TMC1: variants seen among roughly 807,000 people sequenced by gnomAD.
TMC1 encodes transmembrane channel like 1.
In TMC1, 84 loss-of-function variants were observed where a neutral mutation model predicts 105.8. The ratio of observed to expected loss-of-function variants is 0.79; its 90% CI spans 0.67 to 0.95. The LOEUF (loss-of-function observed/expected upper bound fraction) is 0.95, where lower values mean the gene tolerates loss of function less well. TMC1 is among the 40% of genes least tolerant of loss of function. The pLI is 0.00. For synonymous variants in TMC1, 315 were observed against 311.5 expected, an observed-to-expected ratio of 1.01 and a Z score of -0.12; for missense variants, 817 against 914.1, an observed-to-expected ratio of 0.89 and a Z score of 1.37.
intron 4 of TMC1, among the ~76,000 whole-genome samples, chr9:72,632,387 G>A (rs1278107095): frequency 6.6e-6 from 1 of 152,108 alleles, no homozygotes; most frequent in African/African-American, 2.4e-5. Flanking sequence ...ACTTGGAGAG[G>A]ACAGAACATC....
At chr9:72,657,498 T>TAGTTATCA (rs771179556) in intron 5 of TMC1, among the ~76,000 whole-genome samples, 2 of 152,222 alleles carry the variant, frequency 1.3e-5, no homozygotes, top group Non-Finnish European at 2.9e-5. Flanking sequence ...GGATTCCCTT[T>TAGTTATCA]AGTTATCATA....
intron 1 of TMC1, among the ~76,000 whole-genome samples, chr9:72,527,336 G>T (rs1235306345): frequency 6.6e-6 from 1 of 151,786 alleles, no homozygotes; most frequent in Admixed American, 6.6e-5. Flanking sequence ...TTACCTGTCT[G>T]ACCTGAAAAA....
chr9:72,757,182 A>C (rs1827688005), intron 12 of TMC1, among the ~76,000 whole-genome samples: 1 of 152,216 alleles, frequency 6.6e-6, no homozygotes, highest in Non-Finnish European at 1.5e-5. Context: ...TGCTGGTATC[A>C]GTCATTAATT....
chr9:72,584,784 C>CTTTTTTT (rs71357591), intron 2 of TMC1, among the ~76,000 whole-genome samples: 22,015 of 111,492 alleles, frequency 0.2, 2,308 homozygotes, highest in African/African-American at 0.27. Flanking sequence ...CTTTTCTTTT[C>CTTTTTTT]TTTTTTTTTT....
intron 3 of TMC1, among the ~76,000 whole-genome samples, chr9:72,622,450 C>T (rs1350992259): frequency 2.6e-5 from 4 of 152,200 alleles, no homozygotes; most frequent in Non-Finnish European, 5.9e-5. Flanking sequence ...TGTCCTCATC[C>T]TTAGTGCCTT....
At position 72,813,453 on chromosome 9, in the gene TMC1, G is replaced by T. The variant is rs1356720112; in HGVS notation, c.1696-2690G>T. Among the ~76,000 whole-genome samples the T allele has an allele frequency of 2.0e-5, 3 of 152,066 alleles. No homozygotes were observed. The South Asian group carries it at 6.2e-4, about 32-fold the overall frequency. ...ACAGAGAAGCAATTCTTTCATAACT[G>T]GTTCTAATTTTCAACCAATAACGTA... On this transcript the variant is annotated intron_variant, in intron 18 of 23. Transcript: ENST00000297784.
intron 13 of TMC1, among the ~76,000 whole-genome samples, chr9:72,774,323 A>C (rs566119979): frequency 6.6e-6 from 1 of 152,346 alleles, no homozygotes; most frequent in South Asian, 2.1e-4. Flanking sequence ...TTTAATAATA[A>C]ATATATTTGC....
At chr9:72,829,054 T>A (rs1449338309) in intron 21 of TMC1, among the ~76,000 whole-genome samples, 1 of 152,198 alleles carries the variant, frequency 6.6e-6, no homozygotes, top group Non-Finnish European at 1.5e-5. Context: ...CCCATGCAAA[T>A]GTCAAATAGA....
At chr9:72,564,890 A>G (rs1169869016) in intron 1 of TMC1, among the ~76,000 whole-genome samples, 1 of 152,238 alleles carries the variant, frequency 6.6e-6, no homozygotes, top group African/African-American at 2.4e-5. Flanking sequence ...GCAAAAATTA[A>G]TGATTACCTC....
chr9:72,658,532 T>C (rs1825919339), intron 5 of TMC1, among the ~76,000 whole-genome samples: 1 of 152,342 alleles, frequency 6.6e-6, no homozygotes, highest in Admixed American at 6.5e-5. Context: ...AGCTAATTTT[T>C]AACTCTCTAT....
At chr9:72,615,384 T>C (rs1022944153) in intron 2 of TMC1, among the ~76,000 whole-genome samples, 1 of 152,184 alleles carries the variant, frequency 6.6e-6, no homozygotes, top group Non-Finnish European at 1.5e-5. Flanking sequence ...GAGCCTATTT[T>C]CAACCACTCT....
chr9:72,615,940 G>A (rs559401162), intron 2 of TMC1, among the ~76,000 whole-genome samples: 2 of 151,922 alleles, frequency 1.3e-5, no homozygotes, highest in African/African-American at 4.8e-5. Context: ...TAGAGATGGG[G>A]TTTCACCATG....
At chr9:72,813,688 G>C (rs1308866760) in intron 18 of TMC1, among the ~76,000 whole-genome samples, 1 of 152,182 alleles carries the variant, frequency 6.6e-6, no homozygotes, top group Admixed American at 6.5e-5. Flanking sequence ...TGTTAAAACA[G>C]GTGGCAGTCC....
intron 2 of TMC1, among the ~76,000 whole-genome samples, chr9:72,592,353 T>A (rs1487156866): frequency 2.0e-5 from 3 of 152,154 alleles, no homozygotes; most frequent in Admixed American, 6.5e-5. Context: ...AACTTGGGGA[T>A]CATTAAAGCC....
At chr9:72,539,742 C>T (rs1823644539) in intron 1 of TMC1, among the ~76,000 whole-genome samples, 1 of 152,220 alleles carries the variant, frequency 6.6e-6, no homozygotes, top group Admixed American at 6.5e-5. Context: ...TCCAAAGTTG[C>T]TTCCACATTT....
intron 8 of TMC1, among the ~76,000 whole-genome samples, chr9:72,726,220 C>T (rs1490869865): frequency 6.6e-6 from 1 of 152,038 alleles, no homozygotes; most frequent in East Asian, 1.9e-4. Flanking sequence ...TCACTTATTT[C>T]AAATAGTTGT....
intron 2 of TMC1, among the ~76,000 whole-genome samples, chr9:72,597,008 C>T (rs941717880): frequency 3.3e-5 from 5 of 152,136 alleles, no homozygotes; most frequent in African/African-American, 1.2e-4. Flanking sequence ...TAAATATTTG[C>T]GGATTTGAAT....
intron 5 of TMC1, among the ~76,000 whole-genome samples, 179 bp from the exon 6 acceptor site, chr9:72,688,530 A>G (rs890881623): frequency 2.0e-5 from 3 of 152,150 alleles, no homozygotes; most frequent in Admixed American, 2.0e-4. Flanking sequence ...TTTGCATGGC[A>G]TTGTATAAGA....
chr9:72,663,098 G>T (rs948754856), intron 5 of TMC1, among the ~76,000 whole-genome samples: 1 of 152,180 alleles, frequency 6.6e-6, no homozygotes, highest in Non-Finnish European at 1.5e-5. Context: ...AAATTCAGAG[G>T]GTAGGGTTTT....
Sources: gnomAD v4.1 joint callset for allele counts (sites outside exome capture counted in the v4.1 genomes callset) on GRCh38, gnomAD v4.1.1 for gene constraint, MANE v1.5 for transcripts, NCBI Gene and HGNC (gene_info 2026-07-23, HGNC 2026-07-21) for gene names.